KAZN: variants seen among roughly 807,000 people sequenced by gnomAD.
KAZN encodes kazrin.
A neutral mutation model predicts 87.4 loss-of-function variants in KAZN; 40 were observed. That is an observed-to-expected ratio of 0.46 (90% confidence interval 0.36 to 0.60). KAZN has a LOEUF of 0.60. KAZN is among the 20% of genes least tolerant of loss of function. The pLI, the probability that KAZN is intolerant of heterozygous loss-of-function variation, is 0.00. For missense variants in KAZN, 898 were observed against 1,073.9 expected, an observed-to-expected ratio of 0.84 and a Z score of 2.29; for synonymous variants, 466 against 458.3, an observed-to-expected ratio of 1.02 and a Z score of -0.22.
intron 2 of KAZN, among the ~76,000 whole-genome samples, chr1:14,305,541 C>A (rs1012667311): frequency 2.6e-5 from 4 of 151,992 alleles, no homozygotes; most frequent in African/African-American, 9.7e-5. Context: ...GCTGTCAAGA[C>A]AATATTAATT....
At chr1:14,561,045 C>T (rs969976801) in intron 2 of KAZN, among the ~76,000 whole-genome samples, 1 of 152,158 alleles carries the variant, frequency 6.6e-6, no homozygotes, top group Non-Finnish European at 1.5e-5. Flanking sequence ...TGCATCAACT[C>T]CTGAGTGCTC....
chr1:14,660,969 C>T (rs1572161499), intron 1 of KAZN, among the ~76,000 whole-genome samples: 1 of 152,266 alleles, frequency 6.6e-6, no homozygotes, highest in East Asian at 1.9e-4. Flanking sequence ...GTACTTTCAC[C>T]GGAGACATCT....
At chr1:14,116,614 TG>T (rs1644624604) in intron 1 of KAZN, among the ~76,000 whole-genome samples, 1 of 152,196 alleles carries the variant, frequency 6.6e-6, no homozygotes, top group East Asian at 1.9e-4. Flanking sequence ...AAGGGAAATG[TG>T]GGGTCAGAGC....
chr1:14,436,098 G>A (rs557206961), intron 2 of KAZN, among the ~76,000 whole-genome samples: 11 of 151,912 alleles, frequency 7.2e-5, no homozygotes, highest in Admixed American at 2.0e-4. Flanking sequence ...GTGTGGTGGC[G>A]GGCGCCTGTA....
At chr1:14,794,072 C>G (rs185191751) in intron 1 of KAZN, among the ~76,000 whole-genome samples, 8 of 152,316 alleles carry the variant, frequency 5.3e-5, no homozygotes, top group Non-Finnish European at 1.0e-4. Context: ...TCACCTTGAG[C>G]CTCAGCTCTC....
chr1:15,098,372 C>T (rs531249887), intron 10 of KAZN, among the ~76,000 whole-genome samples: 15 of 152,298 alleles, frequency 9.8e-5, no homozygotes, highest in South Asian at 2.1e-4. Context: ...ATGGGGACAC[C>T]CTTAATGAAA....
At chr1:14,815,430 G>T (rs1022872148) in intron 1 of KAZN, among the ~76,000 whole-genome samples, 1 of 152,144 alleles carries the variant, frequency 6.6e-6, no homozygotes, top group African/African-American at 2.4e-5. Flanking sequence ...TGTGAACAAT[G>T]TTCTTGATAA....
intron 1 of KAZN, among the ~76,000 whole-genome samples, chr1:14,173,817 C>T (rs1241544426): frequency 6.6e-6 from 1 of 152,124 alleles, no homozygotes; most frequent in Non-Finnish European, 1.5e-5. Flanking sequence ...TTGGCCAGGC[C>T]TGGACCACGT....
At chr1:14,875,679 C>T (rs1030210009) in intron 1 of KAZN, among the ~76,000 whole-genome samples, 1 of 152,112 alleles carries the variant, frequency 6.6e-6, no homozygotes, top group African/African-American at 2.4e-5. Context: ...AAGCCTCATA[C>T]TGGTGGCTTA....
At chr1:14,280,803 A>G (rs566093741) in intron 2 of KAZN, among the ~76,000 whole-genome samples, 98 of 152,346 alleles carry the variant, frequency 6.4e-4, no homozygotes, top group African/African-American at 2.3e-3. Context: ...AAGCACCTAC[A>G]TATATGCCAG....
chr1:14,579,104 C>T (rs1283463235), intron 2 of KAZN, among the ~76,000 whole-genome samples: 1 of 152,180 alleles, frequency 6.6e-6, no homozygotes, highest in African/African-American at 2.4e-5. Flanking sequence ...CCAGCTTTAC[C>T]GTCAGTCCTC....
At chr1:14,542,143 T>C (rs527679432) in intron 2 of KAZN, among the ~76,000 whole-genome samples, 2 of 152,164 alleles carry the variant, frequency 1.3e-5, no homozygotes, top group African/African-American at 2.4e-5. Context: ...TGTGAATTCA[T>C]TGGTGCTCAC....
chr1:14,311,718 GTGGA>G (rs535549756), intron 2 of KAZN, among the ~76,000 whole-genome samples: 10 of 152,030 alleles, frequency 6.6e-5, no homozygotes, highest in African/African-American at 1.2e-4. Context: ...ATGGATGGGG[GTGGA>G]TGGATGGATG....
intron 2 of KAZN, among the ~76,000 whole-genome samples, chr1:14,368,223 C>T (rs1433528174): frequency 6.6e-6 from 1 of 152,122 alleles, no homozygotes; most frequent in African/African-American, 2.4e-5. Context: ...CTTGGCTTCT[C>T]AACCACCATG....
chr1:14,263,109 A>AC (rs1311692043), intron 2 of KAZN, among the ~76,000 whole-genome samples: 7 of 152,298 alleles, frequency 4.6e-5, no homozygotes, highest in African/African-American at 1.7e-4. Context: ...GGGAACCCAA[A>AC]CCAAGTGTCT....
intron 1 of KAZN, among the ~76,000 whole-genome samples, chr1:14,626,477 C>T (rs1679149443): frequency 6.6e-6 from 1 of 152,166 alleles, no homozygotes; most frequent in Non-Finnish European, 1.5e-5. Context: ...AGTGGAGGTC[C>T]AGATGGGTCC....
chr1:14,304,378 G>T (rs1350031803), intron 2 of KAZN, among the ~76,000 whole-genome samples: 17 of 152,128 alleles, frequency 1.1e-4, no homozygotes. Flanking sequence ...TTGAGAAAAG[G>T]ACTTACCCCA....
At position 14,108,170 on chromosome 1, in the gene KAZN, C is replaced by T. The variant is rs543227088; in HGVS notation, c.92-72265C>T. 4.0e-4 allele frequency among the ~76,000 whole-genome samples: 61 copies of T among 152,128 alleles called. 1 individual carries two copies. In the South Asian group the frequency reaches 0.012, roughly 29 times the overall value. ...GTACCCCAAACTCCTCCAGTCTCACCGCTCTTTCTACTGGTTACATCTTAT... is the reference window on the plus strand; with the variant it reads ...GTACCCCAAACTCCTCCAGTCTCACTGCTCTTTCTACTGGTTACATCTTAT... On this transcript the variant is annotated intron_variant, in intron 1 of 16. Transcript: ENST00000636203.
chr1:14,857,868 G>C (rs1237823425), intron 1 of KAZN, among the ~76,000 whole-genome samples: 2 of 151,904 alleles, frequency 1.3e-5, no homozygotes, highest in African/African-American at 4.8e-5. Flanking sequence ...CCCATTTAAA[G>C]AGTACAATTC....
Sources: allele counts gnomAD v4.1 joint callset (sites outside exome capture counted in the v4.1 genomes callset), GRCh38; gene constraint gnomAD v4.1.1; transcripts MANE v1.5; gene names NCBI Gene and HGNC (gene_info 2026-07-23, HGNC 2026-07-21).